Variants in AIFM1 observed in about 807,000 individuals in gnomAD.
The protein encoded by AIFM1 is apoptosis inducing factor mitochondria associated 1, also known as apoptosis-inducing factor 1, mitochondrial.
In AIFM1, 3 loss-of-function variants were observed where a neutral mutation model predicts 51.7. The observed-to-expected ratio is 0.06, with a 90% CI of 0.03 to 0.15. The LOEUF is 0.15. Ranked by LOEUF, AIFM1 falls within the 10% of genes least tolerant of loss-of-function variation. The pLI, the probability that AIFM1 is intolerant of heterozygous loss-of-function variation, is 1.00. For missense variants in AIFM1, 330 were observed against 476.8 expected, an observed-to-expected ratio of 0.69 and a Z score of 2.87; for synonymous variants, 178 against 179.4, an observed-to-expected ratio of 0.99 and a Z score of 0.06.
intron 6 of AIFM1, among the ~76,000 whole-genome samples, chrX:130,143,902 G>A (rs181336397): frequency 3.9e-4 from 43 of 111,185 alleles, no homozygotes; most frequent in African/African-American, 1.3e-3. Flanking sequence ...TTAGGCTCTG[G>A]AATCAGAATA....
At chrX:130,158,951 A>G (rs1394242654) in intron 1 of AIFM1, among the ~76,000 whole-genome samples, 1 of 111,008 alleles carries the variant, frequency 9.0e-6, no homozygotes, top group Non-Finnish European at 1.9e-5. Flanking sequence ...ACAGACGGGT[A>G]AAAACAAGCC....
Position 130,136,710 on chromosome X carries a change from T to C in AIFM1, c.1097A>G (p.Asn366Ser), listed in dbSNP as rs724160019. 18 of 1,208,397 alleles carry C rather than the reference T, an allele frequency of 1.5e-5. No individual in the cohort carries two copies. Among genetic ancestry groups the C allele is most frequent in the Admixed American group, 1.1e-4 (5 of 45,525 alleles). ...VRREGVKVMPNAIVQSVGVSS... is the reference protein window; with the variant it reads ...VRREGVKVMPSAIVQSVGVSS... The stretch of plus-strand genomic sequence containing the variant: ...GACTCCAACGGATTGCACAATAGCA[T>C]TGGGCATCACCTTAACCCCCTCTGT... The change falls in exon 11 of 16, where the codon AAT becomes AGT. Residue 366 changes from asparagine to serine, a missense_variant. This residue lies in a region of AIFM1 where 152 missense variants were observed against 292.8 expected (regional missense o/e 0.52). Coordinates refer to ENST00000287295, the MANE Select transcript of AIFM1 (RefSeq NM_004208.4).
In AIFM1 at chrX:130,149,515, C is replaced by T; in HGVS notation, c.303G>A (p.Gly101=). ...GTTTCTGTTCTGGTGTCAGCCCTAA[C>T]CCTGAAATTCTTTCATTGTATCTTT... The part of the protein sequence containing the change: ...DEKRYNERIS[G]LGLTPEQKQK... The change falls in exon 3 of 16, where the codon GGG becomes GGA. Residue 101 remains glycine, a synonymous_variant. Transcript: ENST00000287295. The T allele has an allele frequency of 1.7e-6, 2 of 1,211,363 alleles. No homozygotes were observed. The highest frequency in any genetic ancestry group is 2.2e-6 in the Non-Finnish European group (2 of 895,122).
intron 6 of AIFM1, among the ~76,000 whole-genome samples, chrX:130,145,222 T>G (rs773209770): frequency 8.9e-6 from 1 of 111,776 alleles, no homozygotes; most frequent in East Asian, 2.8e-4. Context: ...ACAGGAAGGA[T>G]GAGGAAGGGC....
chrX:130,158,195 C>T (rs1004408481), intron 1 of AIFM1, among the ~76,000 whole-genome samples: 4 of 110,313 alleles, frequency 3.6e-5, no homozygotes, highest in Admixed American at 9.7e-5. Context: ...ACCCAGGAGG[C>T]GGAGGTTGCA....
intron 2 of AIFM1, among the ~76,000 whole-genome samples, chrX:130,150,624 C>T (rs1251925398): frequency 4.7e-5 from 5 of 105,750 alleles, no homozygotes; most frequent in African/African-American, 1.4e-4. Flanking sequence ...CGTGAGCCAC[C>T]GCGCCCGGCC....
chrX:130,137,426 T>C, intron 9 of AIFM1: 2 of 1,163,324 alleles, frequency 1.7e-6, no homozygotes, highest in South Asian at 3.9e-5. Flanking sequence ...TGGTGAACTC[T>C]GTGCACTTCC....
rs542808817 is a variant in AIFM1, at chrX:130,142,135, C to T, written c.697-1518G>A. On this transcript the variant is annotated intron_variant, in intron 6 of 15. Transcript: ENST00000287295. ...CTTGCTGCTTTCAGAGTTTAGTGGC[C>T]AAGACAATTTAACAAGCACTAACAA... 4.5e-5 allele frequency among the ~76,000 whole-genome samples: 5 copies of T among 111,697 alleles called. No homozygotes were observed. In the South Asian group the frequency reaches 1.1e-3, roughly 25 times the overall value.
At chrX:130,138,231 C>T (rs1311571744) in intron 9 of AIFM1, among the ~76,000 whole-genome samples, 2 of 111,345 alleles carry the variant, frequency 1.8e-5, no homozygotes, top group East Asian at 2.8e-4. Flanking sequence ...TTTGGGAGGC[C>T]AAGGTGGGCG....
rs936773005 is a variant in AIFM1 at position 130,130,256 on chromosome X, T to C, written c.1574-90A>G. On this transcript the variant is annotated intron_variant, in intron 14 of 15. Coordinates refer to ENST00000287295, the MANE Select transcript of AIFM1 (RefSeq NM_004208.4). ...TGGGAAATTCTAGAAGCCAACAGTC[T>C]TTCGAGGCCTGCTTCAAGCTACTTC... is the stretch of plus-strand genomic sequence containing the variant. 6 of 1,018,469 alleles carry C rather than the reference T, an allele frequency of 5.9e-6. No homozygotes were observed. In the African/African-American group the frequency reaches 1.1e-4, roughly 19 times the overall value. The allele number at this position is 1,018,469 out of a possible 1,213,427, so 83.9% of individuals were successfully genotyped here.
chrX:130,156,425 T>C (rs1242846029), intron 2 of AIFM1, 36 bp downstream of exon 2: 1 of 1,208,484 alleles, frequency 8.3e-7, no homozygotes, highest in South Asian at 1.8e-5. Flanking sequence ...GGGAGCTGTT[T>C]GGCAGCTTCT....
chrX:130,133,489 TAA>T (rs377335587), intron 12 of AIFM1, 34 bp from the exon 13 acceptor site: 195 of 960,700 alleles, frequency 2.0e-4, no homozygotes, highest in Middle Eastern at 5.6e-4. Flanking sequence ...GAACACATGA[TAA>T]AAAAAAAAAA....
At chrX:130,151,380 C>T (rs2030973030) in intron 2 of AIFM1, among the ~76,000 whole-genome samples, 2 of 110,992 alleles carry the variant, frequency 1.8e-5, no homozygotes, top group Admixed American at 1.9e-4. Flanking sequence ...ACCTTGTGAT[C>T]CACCCACCTT....
At chrX:130,150,977 C>CAAAA (rs759870161) in intron 2 of AIFM1, among the ~76,000 whole-genome samples, 1 of 27,809 alleles carries the variant, frequency 3.6e-5, no homozygotes, top group African/African-American at 1.8e-4. Context: ...GACTCTGTCT[C>CAAAA]AAAAAAAAAA....
intron 1 of AIFM1, among the ~76,000 whole-genome samples, chrX:130,157,295 G>A (rs774437030): frequency 2.2e-4 from 25 of 112,361 alleles, no homozygotes; most frequent in Non-Finnish European, 3.9e-4. Context: ...GCTATGTAAT[G>A]ATGTGATGAT....
chrX:130,137,583 G>C lies in AIFM1; in HGVS notation c.968-398C>G, dbSNP rs904408118. Reference sequence around the variant, plus strand: ...TGAAACATTCCAACTGGAGCTCACAGATCTCTCAAGCTGGGAACCATCATG... The same window carrying C: ...TGAAACATTCCAACTGGAGCTCACACATCTCTCAAGCTGGGAACCATCATG... On this transcript the variant is annotated intron_variant, in intron 9 of 15. Transcript: ENST00000287295. 13 of 1,151,586 alleles carry C rather than the reference G, an allele frequency of 1.1e-5. No homozygotes were observed. In the South Asian group the frequency reaches 2.6e-4, roughly 23 times the overall value. The allele number at this position is 1,151,586 out of a possible 1,213,427, so 94.9% of individuals were successfully genotyped here.
At chrX:130,153,140 C>A (rs2031042842) in intron 2 of AIFM1, among the ~76,000 whole-genome samples, 1 of 95,426 alleles carries the variant, frequency 1.0e-5, no homozygotes, top group Non-Finnish European at 2.0e-5. Flanking sequence ...GGAGACCATT[C>A]TGGCTAACAC....
At chrX:130,139,029 A>G (rs1178342318) in intron 8 of AIFM1, among the ~76,000 whole-genome samples, 1 of 111,151 alleles carries the variant, frequency 9.0e-6, no homozygotes, top group African/African-American at 3.3e-5. Context: ...AACATACTAC[A>G]ATGGCATAAG....
intron 2 of AIFM1, 49 bp from the exon 3 acceptor site, chrX:130,149,617 A>C: frequency 5.7e-6 from 5 of 870,764 alleles, no homozygotes; most frequent in Non-Finnish European, 6.8e-6. Context: ...CAGCTAGCTC[A>C]TACTGTAAGT....
Sources: allele counts gnomAD v4.1 joint callset (sites outside exome capture counted in the v4.1 genomes callset), GRCh38; gene constraint gnomAD v4.1.1; regional missense constraint gnomAD v4.1.1; transcripts MANE v1.5; gene names NCBI Gene and HGNC (gene_info 2026-07-23, HGNC 2026-07-21).